Variants in KCTD7 observed in about 807,000 individuals in gnomAD.
The protein encoded by KCTD7 is BTB/POZ domain-containing protein KCTD7.
In KCTD7, 15 loss-of-function variants were observed where a neutral mutation model predicts 27.0. The observed-to-expected ratio is 0.56, with a 90% CI of 0.37 to 0.86. The LOEUF is 0.86. KCTD7 is among the 40% of genes least tolerant of loss of function. The pLI is 0.00. For missense variants in KCTD7, 299 were observed against 398.9 expected (o/e 0.75, Z 2.13); for synonymous variants, 159 against 162.7 (o/e 0.98, Z 0.17).
In KCTD7 at chr7:66,640,221, A is replaced by G; in HGVS notation, c.*989A>G. 4 of 1,456,026 alleles carry G rather than the reference A, an allele frequency of 2.7e-6. No individual in the cohort carries two copies. Among genetic ancestry groups the G allele is most frequent in the Non-Finnish European group, 3.6e-6 (4 of 1,112,392 alleles). The allele number at this position is 1,456,026 out of a possible 1,614,324, so 90.2% of individuals were successfully genotyped here. ...TCCTTCTAGGAGAGCCTCTCTTCTG[A>G]GAAGGTAAAGGAAGGGCTGGGTGAG... On this transcript the variant is annotated 3_prime_UTR_variant, in exon 4 of 4. Transcript: ENST00000639828.
At chr7:66,636,589 C>T (rs537609605) in intron 2 of KCTD7, among the ~76,000 whole-genome samples, 101 of 151,746 alleles carry the variant, frequency 6.7e-4, no homozygotes, top group African/African-American at 2.4e-3. Context: ...TCCGCACGTA[C>T]GGGTGATGTA....
chr7:66,634,106 G>C (rs1049156826), intron 2 of KCTD7, among the ~76,000 whole-genome samples: 6 of 104,350 alleles, frequency 5.7e-5, no homozygotes. Flanking sequence ...ATATGGGTGT[G>C]TGTATACATA....
chr7:66,629,892 G>A (rs1377604198), intron 1 of KCTD7, among the ~76,000 whole-genome samples: 1 of 152,174 alleles, frequency 6.6e-6, no homozygotes, highest in Non-Finnish European at 1.5e-5. Flanking sequence ...CTCACAGGCT[G>A]CTGTGCTCTG....
At chr7:66,634,192 TTCTATCTA>T (rs3069694) in intron 2 of KCTD7, among the ~76,000 whole-genome samples, 119 of 139,980 alleles carry the variant, frequency 8.5e-4, no homozygotes, top group Admixed American at 2.1e-3. Context: ...ATGTGTGTGA[TTCTATCTA>T]TCTATCTATC....
intron 1 of KCTD7, 123 bp downstream of exon 1, chr7:66,629,331 C>G (rs984162483): frequency 2.8e-6 from 2 of 705,934 alleles, no homozygotes; most frequent in Non-Finnish European, 3.8e-6. Flanking sequence ...CGCGGACTTG[C>G]GCCCCTCCCC....
At chr7:66,636,868 C>G (rs2901263) in intron 2 of KCTD7, among the ~76,000 whole-genome samples, 1 of 152,114 alleles carries the variant, frequency 6.6e-6, no homozygotes, top group Non-Finnish European at 1.5e-5. Flanking sequence ...GCCCTGAAAC[C>G]AGTTTGTTCA....
In KCTD7 at chr7:66,629,087, A is replaced by G; in HGVS notation, c.23A>G (p.Glu8Gly). MVVVTGR[E>G]PDSRRQDGAM... ...GGGATGGTGGTAGTCACGGGGCGGGAGCCAGACAGCCGTCGTCAGGACGGT... is the reference window on the plus strand; with the variant it reads ...GGGATGGTGGTAGTCACGGGGCGGGGGCCAGACAGCCGTCGTCAGGACGGT... Residue 8 changes from glutamate (E) to glycine (G), a missense_variant, in exon 1 of 4, where the codon GAG becomes GGG. Physicochemically the swap from Glu to Gly is moderately conservative, Grantham distance 98 (BLOSUM62 -2). Coordinates refer to ENST00000639828, the MANE Select transcript of KCTD7 (RefSeq NM_153033.5). The G allele has an allele frequency of 6.5e-7, 1 of 1,532,646 alleles. No individual in the cohort carries two copies. The highest frequency in any genetic ancestry group is 1.2e-5 in the South Asian group (1 of 82,076). The allele number at this position is 1,532,646 out of a possible 1,614,324, so 94.9% of individuals were successfully genotyped here. A position where few individuals can be genotyped will look rare whatever the true frequency, so the allele number is the denominator to read the frequency against.
downstream of KCTD7, chr7:66,643,066 C>A (rs935999491): frequency 1.0e-6 from 1 of 985,400 alleles, no homozygotes; most frequent in Non-Finnish European, 1.2e-6. Context: ...CTGTGCCTTT[C>A]TTTTTTAGAG....
Position 66,641,819 on chromosome 7 carries a change from G to A in KCTD7, c.*2587G>A. The A allele has an allele frequency of 1.0e-6, 1 of 985,458 alleles. No individual in the cohort carries two copies. Among genetic ancestry groups the A allele is most frequent in the Non-Finnish European group, 1.2e-6 (1 of 829,942 alleles). 61.0% of individuals were successfully genotyped at this position (985,458 alleles called of 1,614,324 possible). ...ATTGTGGTAACGGCCTCCAGATAAA[G>A]GGGTTATCCCTGTGGAAGTGACTTT... is the stretch of plus-strand genomic sequence containing the variant. On this transcript the variant is annotated 3_prime_UTR_variant, in exon 4 of 4. Transcript: ENST00000639828.
At position 66,640,509 on chromosome 7, in the gene KCTD7, A is replaced by G. The variant is rs1786691386; in HGVS notation, c.*1277A>G. On this transcript the variant is annotated 3_prime_UTR_variant, in exon 4 of 4. Coordinates refer to ENST00000639828, the MANE Select transcript of KCTD7 (RefSeq NM_153033.5). ...GCATCTCCTAAAGGAAGAACTGTGT[A>G]GCACCATTGATCACAATGTAACATT... is the stretch of plus-strand genomic sequence containing the variant. 5.9e-6 allele frequency: 9 copies of G among 1,522,056 alleles called. No individual in the cohort carries two copies. The Admixed American group carries it at 8.3e-5, about 14-fold the overall frequency. 94.3% of individuals were successfully genotyped at this position (1,522,056 alleles called of 1,614,324 possible).
Position 66,629,052 on chromosome 7 carries a change from C to G in KCTD7, c.-13C>G, listed in dbSNP as rs1183225540. 1 of 1,505,994 alleles carries G rather than the reference C, an allele frequency of 6.6e-7. No individual in the cohort carries two copies. The highest frequency in any genetic ancestry group is 1.4e-5 in the African/African-American group (1 of 69,512). The allele number at this position is 1,505,994 out of a possible 1,614,324, so 93.3% of individuals were successfully genotyped here. On this transcript the variant is annotated 5_prime_UTR_variant, in exon 1 of 4. Coordinates refer to ENST00000639828, the MANE Select transcript of KCTD7 (RefSeq NM_153033.5). ...CCCGCCCGAAGCCGCGCCCACTGCC[C>G]AGAGCCAGAGGGATGGTGGTAGTCA... is the stretch of plus-strand genomic sequence containing the variant.
Position 66,642,814 on chromosome 7 carries a change from G to A in KCTD7, c.*3582G>A. The stretch of plus-strand genomic sequence containing the variant: ...TATCTGTGTATATACATACTGAGTG[G>A]GGAAGGATGGGGGTTGGCAGGGGTT... On this transcript the variant is annotated 3_prime_UTR_variant, in exon 4 of 4. Transcript: ENST00000639828. The A allele has an allele frequency of 1.0e-6, 1 of 985,380 alleles. No homozygotes were observed. Among genetic ancestry groups the A allele is most frequent in the Non-Finnish European group, 1.2e-6 (1 of 829,940 alleles). 61.0% of individuals were successfully genotyped at this position (985,380 alleles called of 1,614,324 possible). A position where few individuals can be genotyped will look rare whatever the true frequency, so the allele number is the denominator to read the frequency against.
rs1293490091 is a variant in KCTD7, at chr7:66,638,140, A to G, written c.315-113A>G. On this transcript the variant is annotated intron_variant, in intron 2 of 3. Coordinates refer to ENST00000639828, the MANE Select transcript of KCTD7 (RefSeq NM_153033.5). ...AGACATGGAGTAGTTAAGTTCATTT[A>G]CCCAGTGTAACACAGCTGGCAGTCT... 1.2e-5 allele frequency: 13 copies of G among 1,068,606 alleles called. No homozygotes were observed. The East Asian group carries it at 2.8e-4, about 23-fold the overall frequency. The allele number at this position is 1,068,606 out of a possible 1,614,324, so 66.2% of individuals were successfully genotyped here.
At chr7:66,631,673 A>G (rs1020308141) in intron 1 of KCTD7, among the ~76,000 whole-genome samples, 1 of 151,800 alleles carries the variant, frequency 6.6e-6, no homozygotes, top group Admixed American at 6.6e-5. Flanking sequence ...TTTCAAATGC[A>G]GTTTGGTAGA....
Position 66,639,595 on chromosome 7 carries a change from A to G in KCTD7, c.*363A>G, listed in dbSNP as rs376744529. On this transcript the variant is annotated 3_prime_UTR_variant, in exon 4 of 4. Transcript: ENST00000639828. ...GCCCATTTTAGAGCCACGTTACCAA[A>G]TCGATGTAGGCCTAATCACTTCCTC... 3 of 1,347,274 alleles carry G rather than the reference A, an allele frequency of 2.2e-6. No individual in the cohort carries two copies. The highest frequency in any genetic ancestry group is 3.1e-5 in the East Asian group (1 of 31,948). 83.5% of individuals were successfully genotyped at this position (1,347,274 alleles called of 1,614,324 possible). A position where few individuals can be genotyped will look rare whatever the true frequency, so the allele number is the denominator to read the frequency against.
In KCTD7 at chr7:66,642,709, G is replaced by A; in HGVS notation, c.*3477G>A. 1.0e-6 allele frequency: 1 copy of A among 985,420 alleles called. No homozygotes were observed. Among genetic ancestry groups the A allele is most frequent in the Non-Finnish European group, 1.2e-6 (1 of 829,946 alleles). The allele number at this position is 985,420 out of a possible 1,614,324, so 61.0% of individuals were successfully genotyped here. A position where few individuals can be genotyped will look rare whatever the true frequency, so the allele number is the denominator to read the frequency against. ...GGTACCTGTCTCATGATCCTTAAAA[G>A]AGAGAGGCTTTTTTCATCCAAAGCT... is the stretch of plus-strand genomic sequence containing the variant. On this transcript the variant is annotated 3_prime_UTR_variant, in exon 4 of 4. Transcript: ENST00000639828.
intron 1 of KCTD7, among the ~76,000 whole-genome samples, chr7:66,632,844 C>A (rs1365688890): frequency 6.6e-6 from 1 of 151,624 alleles, no homozygotes; most frequent in African/African-American, 2.4e-5. Context: ...GAGATCGAGA[C>A]CATCCTGGCT....
intron 2 of KCTD7, among the ~76,000 whole-genome samples, chr7:66,634,083 T>C (rs771390593): frequency 2.8e-5 from 4 of 142,280 alleles, no homozygotes; most frequent in Non-Finnish European, 6.0e-5. Context: ...TGCACACATA[T>C]ATATATATGT....
At chr7:66,629,513 G>T (rs934155149) in intron 1 of KCTD7, among the ~76,000 whole-genome samples, 1 of 152,052 alleles carries the variant, frequency 6.6e-6, no homozygotes, top group African/African-American at 2.4e-5. Flanking sequence ...AGGAGGGAGG[G>T]TGGGCCGTGG....
Sources: gnomAD v4.1 joint callset for allele counts (sites outside exome capture counted in the v4.1 genomes callset) on GRCh38, gnomAD v4.1.1 for gene constraint, MANE v1.5 for transcripts, NCBI Gene and HGNC (gene_info 2026-07-23, HGNC 2026-07-21) for gene names.